The following CCNB3 variants were observed in gnomAD, a reference collection of about 807,000 sequenced individuals.
CCNB3 encodes cyclin B3, also known as G2/mitotic-specific cyclin-B3.
CCNB3 carries 12 observed loss-of-function variants against 68.0 expected under a neutral mutation model. The ratio of observed to expected loss-of-function variants is 0.18; its 90% CI spans 0.11 to 0.29. The LOEUF (loss-of-function observed/expected upper bound fraction) is 0.29, where lower values mean the gene tolerates loss of function less well. CCNB3 is among the 10% of genes least tolerant of loss of function. CCNB3 has a pLI of 1.00. For synonymous variants in CCNB3, 354 were observed against 388.9 expected, an observed-to-expected ratio of 0.91 and a Z score of 1.06; for missense variants, 904 against 993.1, an observed-to-expected ratio of 0.91 and a Z score of 1.21.
intron 1 of CCNB3, among the ~76,000 whole-genome samples, chrX:50,226,147 T>A (rs1343759264): frequency 1.3e-5 from 1 of 75,634 alleles, no homozygotes; most frequent in Non-Finnish European, 2.4e-5. Context: ...ATATATATTC[T>A]ATATATATGA....
chrX:50,283,265 C>G (rs1936174370), intron 1 of CCNB3, among the ~76,000 whole-genome samples: 2 of 111,193 alleles, frequency 1.8e-5, no homozygotes, highest in Non-Finnish European at 3.8e-5. Flanking sequence ...TATGGCCTTT[C>G]ACTGTTTTGG....
intron 5 of CCNB3, among the ~76,000 whole-genome samples, chrX:50,305,776 C>CTTTTTTT (rs146498028): frequency 1.9e-4 from 7 of 37,160 alleles, no homozygotes; most frequent in East Asian, 7.8e-4. Flanking sequence ...TTCTTTCTTT[C>CTTTTTTT]TTTTTTTTTT....
At chrX:50,226,955 A>G (rs1419517366) in intron 1 of CCNB3, among the ~76,000 whole-genome samples, 3 of 76,443 alleles carry the variant, frequency 3.9e-5, no homozygotes, top group East Asian at 3.6e-4. Context: ...GAATATATAT[A>G]GTATATATAT....
At chrX:50,286,612 G>GT in intron 3 of CCNB3, among the ~76,000 whole-genome samples, 1 of 95,891 alleles carries the variant, frequency 1.0e-5, no homozygotes. Context: ...CCCTCAGTTC[G>GT]GTTTTTTTTT....
intron 8 of CCNB3, among the ~76,000 whole-genome samples, chrX:50,341,153 C>A (rs1188176211): frequency 9.2e-6 from 1 of 109,046 alleles, no homozygotes; most frequent in Non-Finnish European, 1.9e-5. Flanking sequence ...CACGATGAAA[C>A]CCCCGTCTCT....
intron 1 of CCNB3, among the ~76,000 whole-genome samples, chrX:50,213,310 G>A (rs1935512383): frequency 8.9e-6 from 1 of 112,117 alleles, no homozygotes; most frequent in African/African-American, 3.2e-5. Context: ...TGGATTACAT[G>A]GATTGATTTT....
intron 11 of CCNB3, among the ~76,000 whole-genome samples, chrX:50,348,521 G>T (rs1355851906): frequency 9.0e-6 from 1 of 111,729 alleles, no homozygotes; most frequent in Non-Finnish European, 1.9e-5. Flanking sequence ...ACCACATAAA[G>T]TAGTTATGTG....
chrX:50,337,114 A>T (rs1922893370), intron 8 of CCNB3, among the ~76,000 whole-genome samples: 1 of 110,348 alleles, frequency 9.1e-6, no homozygotes, highest in Non-Finnish European at 1.9e-5. Context: ...TCTCACGGGC[A>T]TTTGGATTTC....
chrX:50,343,726 A>T (rs1485619316), intron 9 of CCNB3, among the ~76,000 whole-genome samples: 1 of 112,118 alleles, frequency 8.9e-6, no homozygotes, highest in Non-Finnish European at 1.9e-5. Flanking sequence ...TTTTTTAAAG[A>T]AGAAAGCTTA....
At chrX:50,306,490 A>G (rs181930426) in intron 5 of CCNB3, among the ~76,000 whole-genome samples, 1 of 111,510 alleles carries the variant, frequency 9.0e-6, no homozygotes, top group East Asian at 2.8e-4. Flanking sequence ...CCTAGCTACA[A>G]CCTCTAGTAT....
At chrX:50,318,932 A>C (rs1921880414) in intron 8 of CCNB3, among the ~76,000 whole-genome samples, 1 of 111,619 alleles carries the variant, frequency 9.0e-6, no homozygotes, top group Non-Finnish European at 1.9e-5. Flanking sequence ...AATTTTGGGC[A>C]CTGAGTGATA....
intron 1 of CCNB3, among the ~76,000 whole-genome samples, chrX:50,219,456 A>G (rs1325326909): frequency 9.0e-6 from 1 of 111,260 alleles, no homozygotes; most frequent in Non-Finnish European, 1.9e-5. Flanking sequence ...TATAAGGCAT[A>G]AGGAAGGGGT....
intron 4 of CCNB3, among the ~76,000 whole-genome samples, chrX:50,293,614 T>C (rs1936390004): frequency 9.0e-6 from 1 of 111,709 alleles, no homozygotes. Context: ...ATGTTCTATA[T>C]TGAGAACCCT....
At chrX:50,302,512 A>T (rs1198958194) in intron 5 of CCNB3, among the ~76,000 whole-genome samples, 1 of 111,874 alleles carries the variant, frequency 8.9e-6, no homozygotes, top group Non-Finnish European at 1.9e-5. Context: ...AAAGTATACA[A>T]TTCAATGGTA....
At chrX:50,347,857 C>G in intron 11 of CCNB3, 82 bp downstream of exon 11, 1 of 967,728 alleles carries the variant, frequency 1.0e-6, no homozygotes, top group Admixed American at 2.8e-5. Flanking sequence ...TAAATTAAGG[C>G]CACGGGAAAC....
At position 50,346,782 on chromosome X, in the gene CCNB3, A is replaced by G. The variant is rs1300039813; in HGVS notation, c.3785A>G (p.Tyr1262Cys). 8.3e-7 allele frequency: 1 copy of G among 1,209,740 alleles called. No individual in the cohort carries two copies. The highest frequency in any genetic ancestry group is 1.1e-6 in the Non-Finnish European group (1 of 895,117). Residue 1262 changes from tyrosine to cysteine, a missense_variant, in exon 10 of 13, where the codon TAC (tyrosine) becomes TGC (cysteine). By Grantham distance (194) the Tyr-to-Cys change is radical (BLOSUM62 -2). Coordinates refer to ENST00000376042, the MANE Select transcript of CCNB3 (RefSeq NM_033031.3). ...LKCDINIPIA[Y>C]HFLRRYARCI... ...TGTGACATTAACATTCCCATCGCCT[A>G]CCATTTTCTGCGCAGATATGCTAGG...
At chrX:50,281,491 C>T (rs1390333932) in intron 1 of CCNB3, among the ~76,000 whole-genome samples, 2 of 111,297 alleles carry the variant, frequency 1.8e-5, no homozygotes, top group Non-Finnish European at 3.8e-5. Flanking sequence ...GGCTCTGTCG[C>T]CTGCCAGTGG....
At chrX:50,345,176 T>C (rs1375579758) in intron 9 of CCNB3, among the ~76,000 whole-genome samples, 2 of 107,965 alleles carry the variant, frequency 1.9e-5, no homozygotes, top group Non-Finnish European at 3.8e-5. Flanking sequence ...TCTCCTTTGT[T>C]GCCCCTCACT....
At chrX:50,298,964 G>A (rs1273440512) in intron 5 of CCNB3, among the ~76,000 whole-genome samples, 2 of 111,508 alleles carry the variant, frequency 1.8e-5, no homozygotes, top group Non-Finnish European at 3.8e-5. Flanking sequence ...TATTTCTGTG[G>A]GATCGGTGGT....
Sources: gnomAD v4.1 joint callset for allele counts (sites outside exome capture counted in the v4.1 genomes callset) on GRCh38, gnomAD v4.1.1 for gene constraint, MANE v1.5 for transcripts, NCBI Gene and HGNC (gene_info 2026-07-23, HGNC 2026-07-21) for gene names.